Variants in TENM4 observed in about 807,000 individuals in gnomAD.
TENM4 encodes the protein teneurin-4.
In TENM4, 82 loss-of-function variants were observed where a neutral mutation model predicts 243.3. That is an observed-to-expected ratio of 0.34 (90% confidence interval 0.28 to 0.40). TENM4 has a LOEUF of 0.40. TENM4 is among the 10% of genes least tolerant of loss of function. The pLI is 1.00. For synonymous variants in TENM4, 1,412 were observed against 1,456.3 expected (o/e 0.97, Z 0.69); for missense variants, 3,138 against 3,673.3 (o/e 0.85, Z 3.77).
chr11:78,693,977 C>T (rs1236878824), intron 28 of TENM4, among the ~76,000 whole-genome samples: 8 of 152,054 alleles, frequency 5.3e-5, no homozygotes, highest in South Asian at 4.1e-4. Context: ...ATCGCACCAT[C>T]GCACTCCAGC....
intron 1 of TENM4, among the ~76,000 whole-genome samples, chr11:79,371,511 T>C (rs1590917563): frequency 6.6e-6 from 1 of 152,166 alleles, no homozygotes; most frequent in South Asian, 2.1e-4. Context: ...TTGGCTTTAG[T>C]TCTCCAAGGA....
At chr11:79,395,430 C>T (rs1590935238) in intron 1 of TENM4, among the ~76,000 whole-genome samples, 1 of 152,216 alleles carries the variant, frequency 6.6e-6, no homozygotes, top group African/African-American at 2.4e-5. Flanking sequence ...ATGGAGGATA[C>T]TTTGGACAAG....
At chr11:79,021,389 C>A (rs1858922117) in intron 6 of TENM4, among the ~76,000 whole-genome samples, 2 of 152,178 alleles carry the variant, frequency 1.3e-5, no homozygotes, top group Non-Finnish European at 2.9e-5. Context: ...GATTCAAATG[C>A]AAGTAGCATC....
At chr11:78,821,595 G>A (rs1857734193) in intron 12 of TENM4, among the ~76,000 whole-genome samples, 1 of 152,232 alleles carries the variant, frequency 6.6e-6, no homozygotes, top group South Asian at 2.1e-4. Flanking sequence ...CCACGTTTAA[G>A]ACACTGATGA....
chr11:79,146,651 A>T (rs1028297676), intron 4 of TENM4, among the ~76,000 whole-genome samples: 5 of 152,068 alleles, frequency 3.3e-5, no homozygotes, highest in African/African-American at 1.2e-4. Context: ...TGAGAAAAAC[A>T]AACAGAAAAA....
At chr11:79,100,552 C>G (rs1354268014) in intron 4 of TENM4, among the ~76,000 whole-genome samples, 1 of 152,134 alleles carries the variant, frequency 6.6e-6, no homozygotes, top group Non-Finnish European at 1.5e-5. Flanking sequence ...TGGTAAATTC[C>G]TTGAGGTCAG....
chr11:79,329,108 A>G (rs148525352), intron 1 of TENM4, among the ~76,000 whole-genome samples: 59 of 152,332 alleles, frequency 3.9e-4, no homozygotes, highest in Non-Finnish European at 6.6e-4. Flanking sequence ...GCCATGGAGA[A>G]TTCTGGGCAA....
chr11:79,199,842 A>G (rs1405014545), intron 3 of TENM4, among the ~76,000 whole-genome samples: 1 of 152,206 alleles, frequency 6.6e-6, no homozygotes, highest in Non-Finnish European at 1.5e-5. Flanking sequence ...TTCAATCCAG[A>G]CAACTCCTCC....
intron 4 of TENM4, among the ~76,000 whole-genome samples, chr11:79,142,280 A>C (rs116368045): frequency 2.2e-3 from 332 of 152,258 alleles, no homozygotes; most frequent in African/African-American, 7.4e-3. Context: ...AAATTCAGTA[A>C]AGTTGCAGGG....
At chr11:78,881,365 C>T (rs986651017) in intron 9 of TENM4, among the ~76,000 whole-genome samples, 6 of 152,158 alleles carry the variant, frequency 3.9e-5, no homozygotes, top group African/African-American at 1.4e-4. Flanking sequence ...TGGGTTCCAC[C>T]ACCAGGAGGA....
At chr11:79,352,821 C>A (rs768299655) in intron 1 of TENM4, among the ~76,000 whole-genome samples, 1 of 152,104 alleles carries the variant, frequency 6.6e-6, no homozygotes, top group Non-Finnish European at 1.5e-5. Flanking sequence ...AGAGACGCAA[C>A]AAATTATGGT....
rs112014277 is a variant in TENM4 at position 78,867,208 on chromosome 11, A to AT, written c.1085-4077dup. Among the ~76,000 whole-genome samples the AT allele has an allele frequency of 2.4e-4, 36 of 147,954 alleles. No individual in the cohort carries two copies. The East Asian group carries it at 2.5e-3, about 10-fold the overall frequency. ...AATAGCACAGTTCTTTATTTATTCT[A>AT]TTTTTTTTTTGTACCCGTTAACCAT... is the stretch of plus-strand genomic sequence containing the variant. On this transcript the variant is annotated intron_variant, in intron 9 of 33. Coordinates refer to ENST00000278550, the MANE Select transcript of TENM4 (RefSeq NM_001098816.3).
At chr11:79,128,568 C>G (rs1254517483) in intron 4 of TENM4, among the ~76,000 whole-genome samples, 1 of 152,172 alleles carries the variant, frequency 6.6e-6, no homozygotes, top group African/African-American at 2.4e-5. Context: ...TCCCTATGAT[C>G]AGTTGACAGA....
chr11:78,686,367 C>A (rs1023156095), intron 29 of TENM4, among the ~76,000 whole-genome samples: 6 of 152,128 alleles, frequency 3.9e-5, no homozygotes, highest in Non-Finnish European at 7.3e-5. Flanking sequence ...TCGTCTATAC[C>A]CTTGGTAATG....
rs756179453 is a variant in TENM4 at position 78,658,461 on chromosome 11, C to A, written c.7907G>T (p.Gly2636Val). 5 of 1,614,060 alleles carry A rather than the reference C, an allele frequency of 3.1e-6. No homozygotes were observed. The highest frequency in any genetic ancestry group is 1.3e-5 in the African/African-American group (1 of 75,050). Residue 2636 changes from glycine to valine, a missense_variant, in exon 34 of 34, where the codon GGG becomes GTG. This residue lies in a region of TENM4 where 2,467 missense variants were observed against 3,059.1 expected (regional missense o/e 0.81). Transcript: ENST00000278550. ...CCCATTCTCCAGGGTTCGCCGCCCC[C>A]CACTGAGGCCCAGGATGGCCAGGTC... ...EGDLAILGLS[G>V]GRRTLENGVN...
Position 78,890,376 on chromosome 11 carries a change from T to C in TENM4, c.849-356A>G, listed in dbSNP as rs546839567. Among the ~76,000 whole-genome samples the C allele has an allele frequency of 5.3e-4, 81 of 152,330 alleles. No homozygotes were observed. In the South Asian group the frequency reaches 0.017, roughly 31 times the overall value. On this transcript the variant is annotated intron_variant, in intron 8 of 33. Coordinates refer to ENST00000278550, the MANE Select transcript of TENM4 (RefSeq NM_001098816.3). ...GTTTCTTGGGGAATAAACTTCCTAT[T>C]CTCTAAAATTATTACAGTAACTTGG...
At chr11:78,658,955 A>G (rs1198261029) in intron 33 of TENM4, 139 bp from the exon 34 acceptor site, 5 of 976,824 alleles carry the variant, frequency 5.1e-6, no homozygotes, top group Non-Finnish European at 7.4e-6. Context: ...GCTGACCACC[A>G]GAACATCCAG....
chr11:79,152,646 G>A (rs1862533538), intron 3 of TENM4, among the ~76,000 whole-genome samples: 1 of 152,202 alleles, frequency 6.6e-6, no homozygotes, highest in Admixed American at 6.5e-5. Flanking sequence ...AAGGGGCTGG[G>A]AGCCAGCTGC....
rs751731151 is a variant in TENM4 at position 78,726,135 on chromosome 11, G to A, written c.3494C>T (p.Ala1165Val). 43 of 1,613,872 alleles carry A rather than the reference G, an allele frequency of 2.7e-5. No individual in the cohort carries two copies. Among genetic ancestry groups the A allele is most frequent in the South Asian group, 5.5e-5 (5 of 91,074 alleles). The change falls in exon 23 of 34, where the codon GCG (alanine) becomes GTG (valine). Residue 1165 changes from alanine to valine, a missense_variant. Physicochemically the swap from Ala to Val is moderately conservative, Grantham distance 64. Around this residue, in one of 2 missense-constraint regions of TENM4, gnomAD observed 2,467 missense variants for 3,059.1 expected, o/e 0.81. Coordinates refer to ENST00000278550, the MANE Select transcript of TENM4 (RefSeq NM_001098816.3). ...TAGGCTCCATCCTCCAAGCTTGGAC[G>A]CGTCAATTTCATAGCCCTGCAGCAC... Reference protein sequence around the residue: ...TTVLQGYEIDASKLGGWSLDK... With the variant: ...TTVLQGYEIDVSKLGGWSLDK...
Sources: gnomAD v4.1 joint callset for allele counts (sites outside exome capture counted in the v4.1 genomes callset) on GRCh38, gnomAD v4.1.1 for gene constraint, gnomAD v4.1.1 regional missense constraint, MANE v1.5 for transcripts, NCBI Gene and HGNC (gene_info 2026-07-23, HGNC 2026-07-21) for gene names.